Variants in KHDRBS2 observed in about 807,000 individuals in gnomAD.
KHDRBS2 encodes the protein KH RNA binding domain containing, signal transduction associated 2.
A neutral mutation model predicts 44.3 loss-of-function variants in KHDRBS2; 26 were observed. The observed-to-expected ratio is 0.59, with a 90% CI of 0.43 to 0.81. The LOEUF (loss-of-function observed/expected upper bound fraction) is 0.81, where lower values mean the gene tolerates loss of function less well. Ranked by LOEUF, KHDRBS2 falls within the 40% of genes least tolerant of loss-of-function variation. The pLI, the probability that KHDRBS2 is intolerant of heterozygous loss-of-function variation, is 0.00. For missense variants in KHDRBS2, 476 were observed against 433.1 expected (o/e 1.10, Z -0.88); for synonymous variants, 194 against 151.1 (o/e 1.28, Z -2.08).
At chr6:61,617,341 C>A in the KHDRBS2 span, among the ~76,000 whole-genome samples, 1 of 152,098 alleles carries the variant, frequency 6.6e-6, no homozygotes, top group Non-Finnish European at 1.5e-5. Context: ...CTCTGGGTAA[C>A]AATTTTGAAG....
chr6:61,954,856 G>GTATATACACATACATGTGTATATATGTA (rs1766003231), intron 4 of KHDRBS2, among the ~76,000 whole-genome samples: 5 of 40,808 alleles, frequency 1.2e-4, no homozygotes, highest in African/African-American at 4.9e-4. Flanking sequence ...ATATGCATGT[G>GTATATACACATACATGTGTATATATGTA]TATATACACA....
chr6:62,275,454 CTT>C, intron 1 of KHDRBS2, among the ~76,000 whole-genome samples: 1 of 152,132 alleles, frequency 6.6e-6, no homozygotes, highest in Non-Finnish European at 1.5e-5. Flanking sequence ...TTACTAATGT[CTT>C]TCCATTTATC....
chr6:61,626,635 A>G, the KHDRBS2 span, among the ~76,000 whole-genome samples: 1 of 152,208 alleles, frequency 6.6e-6, no homozygotes, highest in African/African-American at 2.4e-5. Context: ...AAGAAAGGAG[A>G]TGCAAAAAGA....
In KHDRBS2 at chr6:61,945,150, T is replaced by TATATACACACAC. The variant is rs371595813; in HGVS notation, c.483+32915_483+32916insGTGTGTGTATAT. 2.9e-3 allele frequency among the ~76,000 whole-genome samples: 250 copies of TATATACACACAC among 86,986 alleles called. 9 individuals carry two copies. The highest frequency in any genetic ancestry group is 8.1e-3 in the African/African-American group (188 of 23,336). 57.1% of individuals were successfully genotyped at this position (86,986 alleles called of 152,430 possible). Reference sequence around the variant, plus strand: ...ATATATATATATATATATATATATATACACACAGACTTGTCTTGATAAAGT... The same window carrying TATATACACACAC: ...ATATATATATATATATATATATATATATATACACACACACACACAGACTTGTCTTGATAAAGT... On this transcript the variant is annotated intron_variant, in intron 4 of 8. Coordinates refer to ENST00000281156, the MANE Select transcript of KHDRBS2 (RefSeq NM_152688.4).
intron 6 of KHDRBS2, among the ~76,000 whole-genome samples, chr6:61,867,113 A>G (rs1191003529): frequency 6.6e-6 from 1 of 152,228 alleles, no homozygotes; most frequent in Non-Finnish European, 1.5e-5. Context: ...TTACTGTATT[A>G]GTCCATTTTC....
At chr6:61,846,993 T>C (rs1794513338) in intron 6 of KHDRBS2, among the ~76,000 whole-genome samples, 1 of 152,022 alleles carries the variant, frequency 6.6e-6, no homozygotes. Context: ...ATTACAACTG[T>C]CATAGTTTTT....
At chr6:61,952,028 T>C (rs1232037954) in intron 4 of KHDRBS2, among the ~76,000 whole-genome samples, 1 of 152,082 alleles carries the variant, frequency 6.6e-6, no homozygotes, top group Admixed American at 6.6e-5. Flanking sequence ...TGGAGAATAA[T>C]GATGTAACCT....
chr6:61,970,855 T>C (rs962922833), intron 4 of KHDRBS2, among the ~76,000 whole-genome samples: 1 of 152,120 alleles, frequency 6.6e-6, no homozygotes, highest in Admixed American at 6.6e-5. Context: ...GAGTATAACA[T>C]GCCCTCTTCC....
intron 6 of KHDRBS2, among the ~76,000 whole-genome samples, chr6:61,848,585 A>G (rs1291692493): frequency 1.6e-4 from 16 of 102,920 alleles, no homozygotes; most frequent in East Asian, 2.5e-4. Context: ...ACATATATAT[A>G]TATATATACT....
At chr6:62,107,645 A>C (rs1803790174) in intron 2 of KHDRBS2, among the ~76,000 whole-genome samples, 1 of 152,200 alleles carries the variant, frequency 6.6e-6, no homozygotes, top group Admixed American at 6.5e-5. Flanking sequence ...AGTCAATCCT[A>C]AGCTAAAAGA....
chr6:62,031,036 A>T lies in KHDRBS2; in HGVS notation c.336+16842T>A, dbSNP rs1784249827. 2.0e-5 allele frequency among the ~76,000 whole-genome samples: 3 copies of T among 152,150 alleles called. No individual in the cohort carries two copies. The South Asian group carries it at 6.2e-4, about 32-fold the overall frequency. On this transcript the variant is annotated intron_variant, in intron 3 of 8. Transcript: ENST00000281156. ...ATGTTAAGTGAAAAAAGCATAGACA[A>T]GTCAATACATGCCTACTTATGCAAT...
chr6:61,551,283 T>C, the KHDRBS2 span, among the ~76,000 whole-genome samples: 1 of 152,186 alleles, frequency 6.6e-6, no homozygotes, highest in Non-Finnish European at 1.5e-5. Context: ...GTCAGATGTA[T>C]AGTCTGCAAA....
At chr6:61,622,657 C>A in the KHDRBS2 span, among the ~76,000 whole-genome samples, 1 of 152,022 alleles carries the variant, frequency 6.6e-6, no homozygotes, top group Non-Finnish European at 1.5e-5. Flanking sequence ...AAGTGATGGC[C>A]CATTCTAAAC....
chr6:62,070,078 C>T (rs1453058759), intron 2 of KHDRBS2, among the ~76,000 whole-genome samples: 2 of 151,534 alleles, frequency 1.3e-5, no homozygotes, highest in Non-Finnish European at 3.0e-5. Context: ...ATGGTTTTTG[C>T]TCCTTATTTA....
chr6:61,797,105 A>T (rs1441194096), intron 6 of KHDRBS2, among the ~76,000 whole-genome samples: 2 of 151,988 alleles, frequency 1.3e-5, no homozygotes, highest in African/African-American at 2.4e-5. Flanking sequence ...AGAAAAAAAT[A>T]AAAAAATACT....
chr6:61,551,786 TG>T, the KHDRBS2 span, among the ~76,000 whole-genome samples: 1 of 152,148 alleles, frequency 6.6e-6, no homozygotes, highest in Non-Finnish European at 1.5e-5. Context: ...AGTTTGAAAT[TG>T]GGTAACATGA....
intron 2 of KHDRBS2, among the ~76,000 whole-genome samples, chr6:62,117,106 T>C (rs1470443613): frequency 6.6e-6 from 1 of 152,166 alleles, no homozygotes; most frequent in African/African-American, 2.4e-5. Flanking sequence ...CTTTTAGATA[T>C]ATACTCAGTG....
the KHDRBS2 span, among the ~76,000 whole-genome samples, chr6:61,558,983 G>A: frequency 1.3e-5 from 2 of 152,002 alleles, no homozygotes; most frequent in Non-Finnish European, 2.9e-5. Flanking sequence ...CTTCCTGTCT[G>A]GTGGATCTGT....
chr6:61,728,664 A>C (rs992630931), intron 7 of KHDRBS2, among the ~76,000 whole-genome samples: 1 of 152,152 alleles, frequency 6.6e-6, no homozygotes, highest in African/African-American at 2.4e-5. Flanking sequence ...GGAGAGTTAA[A>C]CTTAAATTTC....
Sources: gnomAD v4.1 joint callset for allele counts (sites outside exome capture counted in the v4.1 genomes callset) on GRCh38, gnomAD v4.1.1 for gene constraint, MANE v1.5 for transcripts, NCBI Gene and HGNC (gene_info 2026-07-23, HGNC 2026-07-21) for gene names.